ADAMTS17: variants seen among roughly 807,000 people sequenced by gnomAD.
ADAMTS17 encodes the protein ADAM metallopeptidase with thrombospondin type 1 motif 17, also known as A disintegrin and metalloproteinase with thrombospondin motifs 17.
ADAMTS17 carries 113 observed loss-of-function variants against 141.5 expected under a neutral mutation model. The observed-to-expected ratio is 0.80, with a 90% CI of 0.69 to 0.93. ADAMTS17 has a LOEUF of 0.93. Ranked by LOEUF, ADAMTS17 falls within the 40% of genes least tolerant of loss-of-function variation. ADAMTS17 has a pLI of 0.00. For synonymous variants in ADAMTS17, 768 were observed against 630.6 expected (o/e 1.22, Z -3.27); for missense variants, 1,659 against 1,517.9 (o/e 1.09, Z -1.54).
At chr15:100,118,821 G>A (rs538612982) in intron 12 of ADAMTS17, among the ~76,000 whole-genome samples, 21 of 152,248 alleles carry the variant, frequency 1.4e-4, no homozygotes, top group Non-Finnish European at 2.4e-4. Context: ...GAGAAGGAAC[G>A]AGTGAGGCAG....
chr15:100,164,072 C>A (rs2039848362), intron 8 of ADAMTS17, among the ~76,000 whole-genome samples: 1 of 152,188 alleles, frequency 6.6e-6, no homozygotes, highest in Non-Finnish European at 1.5e-5. Flanking sequence ...GACAAGTTAA[C>A]AGTATCAGGC....
At chr15:100,022,197 C>T (rs747498407) in intron 18 of ADAMTS17, among the ~76,000 whole-genome samples, 1 of 152,170 alleles carries the variant, frequency 6.6e-6, no homozygotes, top group African/African-American at 2.4e-5. Context: ...TCTGTTATCA[C>T]CCAGTGTCCC....
intron 15 of ADAMTS17, among the ~76,000 whole-genome samples, chr15:100,073,770 G>C (rs1467413867): frequency 6.5e-5 from 1 of 15,394 alleles, no homozygotes; most frequent in African/African-American, 1.8e-4. Flanking sequence ...TTGTGGGGTG[G>C]GGGGAGGGGG....
chr15:100,199,691 C>G (rs559553907), intron 7 of ADAMTS17, among the ~76,000 whole-genome samples: 9 of 152,298 alleles, frequency 5.9e-5, no homozygotes, highest in African/African-American at 2.2e-4. Flanking sequence ...ACTTAATCCC[C>G]GTGACCCAGG....
At chr15:100,248,019 G>T (rs575050665) in intron 7 of ADAMTS17, among the ~76,000 whole-genome samples, 3 of 152,012 alleles carry the variant, frequency 2.0e-5, no homozygotes, top group Non-Finnish European at 2.9e-5. Flanking sequence ...CAAGGAGGGG[G>T]TCCTTCTCCC....
chr15:100,057,092 T>C (rs984760993), intron 15 of ADAMTS17, among the ~76,000 whole-genome samples: 1 of 151,940 alleles, frequency 6.6e-6, no homozygotes, highest in Admixed American at 6.5e-5. Context: ...TTCCTGATCC[T>C]CAGAGGCCAG....
At chr15:100,092,817 G>A (rs538589988) in intron 15 of ADAMTS17, among the ~76,000 whole-genome samples, 1 of 152,332 alleles carries the variant, frequency 6.6e-6, no homozygotes, top group Non-Finnish European at 1.5e-5. Context: ...AGGTATCCTT[G>A]GCTGGTTCTC....
At chr15:100,252,193 C>T (rs374992049) in intron 7 of ADAMTS17, among the ~76,000 whole-genome samples, 6 of 152,290 alleles carry the variant, frequency 3.9e-5, no homozygotes, top group Non-Finnish European at 5.9e-5. Flanking sequence ...TCAAAAGAAA[C>T]GGAAAGCTAG....
At chr15:100,105,135 C>G (rs1200259152) in intron 14 of ADAMTS17, among the ~76,000 whole-genome samples, 2 of 152,190 alleles carry the variant, frequency 1.3e-5, no homozygotes, top group Non-Finnish European at 2.9e-5. Flanking sequence ...GGTGCTGTTG[C>G]CACCCACCAG....
intron 18 of ADAMTS17, among the ~76,000 whole-genome samples, chr15:100,041,956 C>T (rs899059361): frequency 1.3e-5 from 2 of 152,176 alleles, no homozygotes; most frequent in African/African-American, 4.8e-5. Context: ...TAGAAAGGCT[C>T]TTTCACCTTG....
At chr15:100,147,770 A>G (rs1233572685) in intron 10 of ADAMTS17, among the ~76,000 whole-genome samples, 1 of 152,208 alleles carries the variant, frequency 6.6e-6, no homozygotes, top group Non-Finnish European at 1.5e-5. Flanking sequence ...AAACTAATGT[A>G]TTAGTTTCCT....
intron 15 of ADAMTS17, among the ~76,000 whole-genome samples, chr15:100,089,983 TAATAA>T (rs1224038434): frequency 1.6e-5 from 2 of 126,874 alleles, no homozygotes; most frequent in East Asian, 2.6e-4. Context: ...AAAAGTATAA[TAATAA>T]AATTAAAAAA....
intron 18 of ADAMTS17, among the ~76,000 whole-genome samples, chr15:100,002,810 G>A (rs777707495): frequency 6.6e-5 from 10 of 152,026 alleles, no homozygotes; most frequent in Non-Finnish European, 8.8e-5. Flanking sequence ...GTGCCAGAAT[G>A]GAACATACCT....
At chr15:100,166,810 GTTC>G (rs2039968578) in intron 8 of ADAMTS17, among the ~76,000 whole-genome samples, 1 of 152,336 alleles carries the variant, frequency 6.6e-6, no homozygotes, top group Admixed American at 6.5e-5. Flanking sequence ...AGGCGTAGTT[GTTC>G]TTCATTCTTT....
intron 3 of ADAMTS17, among the ~76,000 whole-genome samples, chr15:100,322,860 G>A (rs2141914173): frequency 6.6e-6 from 1 of 152,286 alleles, no homozygotes; most frequent in Non-Finnish European, 1.5e-5. Context: ...GGCTGAGGCA[G>A]ACAGATCACG....
chr15:100,100,885 A>T (rs8028471), intron 14 of ADAMTS17, among the ~76,000 whole-genome samples: 3 of 148,600 alleles, frequency 2.0e-5, no homozygotes, highest in African/African-American at 7.5e-5. Flanking sequence ...TTCCTCCCCC[A>T]CTCCAGATGC....
At chr15:100,253,712 C>CA (rs1011839889) in intron 7 of ADAMTS17, among the ~76,000 whole-genome samples, 5 of 152,246 alleles carry the variant, frequency 3.3e-5, no homozygotes, top group African/African-American at 1.2e-4. Flanking sequence ...AGTCACACTT[C>CA]ACCCCTTAGG....
At chr15:100,257,982 C>G (rs1390509366) in intron 6 of ADAMTS17, among the ~76,000 whole-genome samples, 2 of 152,218 alleles carry the variant, frequency 1.3e-5, no homozygotes, top group African/African-American at 4.8e-5. Context: ...CTGTAGGTAC[C>G]TCACATAAGT....
chr15:99,987,610 C>A (rs371956478), intron 20 of ADAMTS17, among the ~76,000 whole-genome samples: 1 of 152,156 alleles, frequency 6.6e-6, no homozygotes, highest in East Asian at 1.9e-4. Context: ...ATAAACCATA[C>A]GGCAAACGTA....
Sources: allele counts gnomAD v4.1 joint callset (sites outside exome capture counted in the v4.1 genomes callset), GRCh38; gene constraint gnomAD v4.1.1; transcripts MANE v1.5; gene names NCBI Gene and HGNC (gene_info 2026-07-23, HGNC 2026-07-21).